The following SLC26A8 variants were observed in gnomAD, a reference collection of about 807,000 sequenced individuals.
SLC26A8 encodes the protein solute carrier family 26 member 8, also known as testis anion transporter 1.
A neutral mutation model predicts 105.0 loss-of-function variants in SLC26A8; 70 were observed. The ratio of observed to expected loss-of-function variants is 0.67; its 90% confidence interval spans 0.55 to 0.81. SLC26A8 has a LOEUF of 0.81. Ranked by LOEUF, SLC26A8 falls within the 40% of genes least tolerant of loss-of-function variation. The pLI, the probability that SLC26A8 is intolerant of heterozygous loss-of-function variation, is 0.00. For missense variants in SLC26A8, 998 were observed against 1,181.8 expected (o/e 0.84, Z 2.28); for synonymous variants, 415 against 438.3 (o/e 0.95, Z 0.66).
In SLC26A8 at chr6:35,943,818, G is replaced by A. The variant is rs1328671011; in HGVS notation, c.*82C>T. ...AGGAAGTACTGCTAGTTCGTATCCA[G>A]TCTAGGTCTCTGGACAATTGACCCC... On this transcript the variant is annotated 3_prime_UTR_variant, in exon 20 of 20. Transcript: ENST00000490799. 3 of 1,555,416 alleles carry A rather than the reference G, an allele frequency of 1.9e-6. No homozygotes were observed. Among genetic ancestry groups the A allele is most frequent in the African/African-American group, 1.4e-5 (1 of 73,604 alleles).
chr6:35,955,490 G>C lies in SLC26A8; in HGVS notation c.1894C>G (p.Leu632Val). The C allele has an allele frequency of 6.2e-7, 1 of 1,614,166 alleles. No homozygotes were observed. The highest frequency in any genetic ancestry group is 8.5e-7 in the Non-Finnish European group (1 of 1,180,028). The change falls in exon 17 of 20, where the codon CTG (leucine) becomes GTG (valine). Residue 632 changes from leucine (L) to valine (V), a missense_variant. By Grantham distance (32) the Leu-to-Val change is conservative (BLOSUM62 1). Transcript: ENST00000490799. ...TTAATGGAGGATGCTTCGGGATCCA[G>C]TTTATTTTCAAATCGCTCTGTGTAA... is the stretch of plus-strand genomic sequence containing the variant. ...ILYTERFENK[L>V]DPEASSINLI...
At chr6:35,946,866 T>C (rs1771695253) in intron 19 of SLC26A8, among the ~76,000 whole-genome samples, 1 of 151,834 alleles carries the variant, frequency 6.6e-6, no homozygotes, top group African/African-American at 2.4e-5. Context: ...TTTTAGTTTT[T>C]TTTTTCAAGA....
At chr6:35,949,129 C>T (rs1194949441) in intron 19 of SLC26A8, among the ~76,000 whole-genome samples, 1 of 151,714 alleles carries the variant, frequency 6.6e-6, no homozygotes, top group East Asian at 1.9e-4. Flanking sequence ...TAGTTAGCTA[C>T]ATAGATAAAA....
Position 35,955,282 on chromosome 6 carries a change from G to T in SLC26A8, c.2102C>A (p.Ala701Glu), listed in dbSNP as rs772520541. ...RNSSPGLPDV[A>E]ESQGRRSLIP... Reference sequence around the variant, plus strand: ...GAGTGATCTCCTCCCCTGGCTTTCCGCCACATCAGGCAGTCCTGGTGAGCT... The same window carrying T: ...GAGTGATCTCCTCCCCTGGCTTTCCTCCACATCAGGCAGTCCTGGTGAGCT... The change falls in exon 17 of 20, where the codon GCG becomes GAG. Residue 701 changes from alanine (A) to glutamate (E), a missense_variant. Coordinates refer to ENST00000490799, the MANE Select transcript of SLC26A8 (RefSeq NM_052961.4). 8.1e-6 allele frequency: 13 copies of T among 1,614,038 alleles called. No homozygotes were observed. The highest frequency in any genetic ancestry group is 1.3e-5 in the African/African-American group (1 of 74,904).
intron 14 of SLC26A8, 180 bp downstream of exon 14, chr6:35,960,663 C>CAAA: frequency 4.0e-6 from 2 of 500,238 alleles, no homozygotes; most frequent in Admixed American, 3.6e-5. Context: ...ACTCTGTCTC[C>CAAA]AAAAAAAAAA....
intron 7 of SLC26A8, chr6:35,989,529 C>A (rs1174744769): frequency 6.6e-6 from 1 of 152,156 alleles, no homozygotes; most frequent in African/African-American, 2.4e-5. Flanking sequence ...TCTCTCTCTA[C>A]TTTGTAGAGG....
At chr6:36,023,563 A>G (rs1288447399) in intron 1 of SLC26A8, among the ~76,000 whole-genome samples, 1 of 151,592 alleles carries the variant, frequency 6.6e-6, no homozygotes, top group Non-Finnish European at 1.5e-5. Flanking sequence ...AAAAAAAAAA[A>G]AAAAAGTCAA....
chr6:35,981,497 CCAG>C lies in SLC26A8; in HGVS notation c.1025+621_1025+623del, dbSNP rs1236664934. Among the ~76,000 whole-genome samples, 1 of 152,062 alleles carries C rather than the reference CCAG, an allele frequency of 6.6e-6. No homozygotes were observed. Among genetic ancestry groups the C allele is most frequent in the Admixed American group, 6.6e-5 (1 of 15,252 alleles). On this transcript the variant is annotated intron_variant, in intron 8 of 19. Transcript: ENST00000490799. The surrounding 1 kb of genome is among the most constrained non-coding windows in gnomAD (Gnocchi z 4.0). ...CTCTACTAAAAATGCAAAAAATTAG[CCAG>C]GCGTGGCAGTGCACGGCGGTGTACA... is the stretch of plus-strand genomic sequence containing the variant.
At position 36,012,181 on chromosome 6, in the gene SLC26A8, G is replaced by T. The variant is rs1337275796; in HGVS notation, c.328+52C>A. 7 of 1,580,642 alleles carry T rather than the reference G, an allele frequency of 4.4e-6. No individual in the cohort carries two copies. The East Asian group carries it at 1.6e-4, about 36-fold the overall frequency. ...AGTAATTGTTTACCCTGGGCACGTGGACAAGGTCTGATACATTGTCTTTGG... is the reference window on the plus strand; with the variant it reads ...AGTAATTGTTTACCCTGGGCACGTGTACAAGGTCTGATACATTGTCTTTGG... On this transcript the variant is annotated intron_variant, in intron 3 of 19. Transcript: ENST00000490799.
At chr6:35,963,933 G>A (rs891060077) in intron 11 of SLC26A8, among the ~76,000 whole-genome samples, 1 of 152,186 alleles carries the variant, frequency 6.6e-6, no homozygotes, top group Admixed American at 6.5e-5. Flanking sequence ...TGATAGCCAA[G>A]TGTGGTGGCT....
chr6:35,979,442 C>T (rs1773183229), intron 8 of SLC26A8, among the ~76,000 whole-genome samples: 1 of 152,026 alleles, frequency 6.6e-6, no homozygotes, highest in African/African-American at 2.4e-5. Context: ...TGCCACTGCA[C>T]TCCAGCCTGG....
chr6:36,002,901 A>G (rs1248345050), intron 3 of SLC26A8, among the ~76,000 whole-genome samples: 7 of 151,952 alleles, frequency 4.6e-5, no homozygotes, highest in Non-Finnish European at 7.4e-5. Context: ...ACGGGGTTTC[A>G]CCATGTTGGC....
At chr6:35,996,352 G>C (rs756736122) in intron 5 of SLC26A8, among the ~76,000 whole-genome samples, 1 of 152,204 alleles carries the variant, frequency 6.6e-6, no homozygotes, top group Non-Finnish European at 1.5e-5. Context: ...TAGTTCAGTA[G>C]ATGAACTTTT....
intron 7 of SLC26A8, among the ~76,000 whole-genome samples, chr6:35,988,407 G>A (rs1192512497): frequency 6.6e-6 from 1 of 152,164 alleles, no homozygotes; most frequent in Non-Finnish European, 1.5e-5. Context: ...ACTGAGGCAG[G>A]CAGCTCACTT....
intron 7 of SLC26A8, among the ~76,000 whole-genome samples, chr6:35,984,497 T>A (rs541044612): frequency 2.0e-5 from 3 of 152,062 alleles, no homozygotes; most frequent in African/African-American, 7.2e-5. Flanking sequence ...TAATTTTTTT[T>A]ATTTTTAGTA....
At chr6:35,973,012 A>G (rs914880399) in intron 10 of SLC26A8, among the ~76,000 whole-genome samples, 2 of 152,176 alleles carry the variant, frequency 1.3e-5, no homozygotes, top group African/African-American at 2.4e-5. Context: ...TCAGTACTCC[A>G]TGAAAGTCCC....
At chr6:36,017,441 G>A (rs1047670288) in intron 2 of SLC26A8, among the ~76,000 whole-genome samples, 1 of 152,078 alleles carries the variant, frequency 6.6e-6, no homozygotes, top group African/African-American at 2.4e-5. Context: ...AAACCAGCCT[G>A]GCCAACATGG....
rs1279672723 is a variant in SLC26A8 at position 35,951,484 on chromosome 6, G to T, written c.2248C>A (p.Gln750Lys). 6.2e-7 allele frequency: 1 copy of T among 1,614,042 alleles called. No individual in the cohort carries two copies. Among genetic ancestry groups the T allele is most frequent in the African/African-American group, 1.3e-5 (1 of 74,900 alleles). The change falls in exon 18 of 20, where the codon CAA becomes AAA. Residue 750 changes from glutamine (Q) to lysine (K), a missense_variant. Gln to Lys is a moderately conservative substitution (Grantham distance 53). Coordinates refer to ENST00000490799, the MANE Select transcript of SLC26A8 (RefSeq NM_052961.4). ...ATGAGTATCAAAATGTTGGCGTTTTGAAAGGCATTGCATATCTGTGGGGGG... is the reference window on the plus strand; with the variant it reads ...ATGAGTATCAAAATGTTGGCGTTTTTAAAGGCATTGCATATCTGTGGGGGG... Reference protein sequence around the residue: ...VVLRQICNAFQNANILILIAG... With the variant: ...VVLRQICNAFKNANILILIAG...
chr6:35,965,682 CAAAAA>C (rs1293607391), intron 11 of SLC26A8, among the ~76,000 whole-genome samples: 2 of 68,946 alleles, frequency 2.9e-5, no homozygotes, highest in Admixed American at 1.6e-4. Flanking sequence ...AACTCCATCT[CAAAAA>C]AAAAAAAAAA....
Sources: allele counts gnomAD v4.1 joint callset (sites outside exome capture counted in the v4.1 genomes callset), GRCh38; gene constraint gnomAD v4.1.1; non-coding constraint Gnocchi (gnomAD v3.1); transcripts MANE v1.5; gene names NCBI Gene and HGNC (gene_info 2026-07-23, HGNC 2026-07-21).